Variants in AGAP3 observed in about 807,000 individuals in gnomAD.
AGAP3 encodes ArfGAP with GTPase domain, ankyrin repeat and PH domain 3.
In AGAP3, 24 loss-of-function variants were observed where a neutral mutation model predicts 96.9. The ratio of observed to expected loss-of-function variants is 0.25; its 90% CI spans 0.18 to 0.35. AGAP3 has a LOEUF of 0.35. AGAP3 is among the 10% of genes least tolerant of loss of function. AGAP3 has a pLI of 1.00. For synonymous variants in AGAP3, 563 were observed against 536.1 expected, an observed-to-expected ratio of 1.05 and a Z score of -0.69; for missense variants, 876 against 1,254.2, an observed-to-expected ratio of 0.70 and a Z score of 4.55.
chr7:151,143,802 C>T lies in AGAP3; in HGVS notation c.2595C>T (p.Ala865=), dbSNP rs113220396. The T allele has an allele frequency of 1.7e-5, 27 of 1,614,106 alleles. No individual in the cohort carries two copies. The highest frequency in any genetic ancestry group is 1.2e-4 in the African/African-American group (9 of 75,074). The change falls in exon 18 of 18, where the codon GCC becomes GCT. Residue 865 remains alanine (A), a synonymous_variant. Transcript: ENST00000397238. The surrounding 1 kb of genome is among the most constrained non-coding windows in gnomAD (Gnocchi z 5.9). ...GLTPLAYARR[A]GSQECADILI... is the part of the protein sequence containing the mutation. Reference sequence around the variant, plus strand: ...CTCCACTGGCATATGCTCGCCGGGCCGGCAGCCAGGAGTGTGCAGACATCT... The same window carrying T: ...CTCCACTGGCATATGCTCGCCGGGCTGGCAGCCAGGAGTGTGCAGACATCT...
intron 9 of AGAP3, among the ~76,000 whole-genome samples, chr7:151,125,856 C>A (rs1289810889): frequency 6.6e-6 from 1 of 152,350 alleles, no homozygotes; most frequent in South Asian, 2.1e-4. Flanking sequence ...GAGGCGGCGG[C>A]GGGAACGGGT....
chr7:151,108,630 C>T lies in AGAP3; in HGVS notation c.332-8163C>T, dbSNP rs1166203649. 6.6e-6 allele frequency among the ~76,000 whole-genome samples: 1 copy of T among 152,184 alleles called. No individual in the cohort carries two copies. The highest frequency in any genetic ancestry group is 1.5e-5 in the Non-Finnish European group (1 of 68,024). ...TCCTACGCCAGTCCAGACTGCCAGCCGCGTCACCTTGAGGCAGGGTGGGGC... is the reference window on the plus strand; with the variant it reads ...TCCTACGCCAGTCCAGACTGCCAGCTGCGTCACCTTGAGGCAGGGTGGGGC... On this transcript the variant is annotated intron_variant, in intron 1 of 17. Coordinates refer to ENST00000397238, the MANE Select transcript of AGAP3 (RefSeq NM_031946.7). This position sits in a 1 kb window ranked among gnomAD's most constrained non-coding sequence, Gnocchi z 4.2.
chr7:151,120,192 GC>G, intron 8 of AGAP3, 47 bp downstream of exon 8: 1 of 1,541,150 alleles, frequency 6.5e-7, no homozygotes, highest in Non-Finnish European at 8.8e-7. Flanking sequence ...TGCTGCACAG[GC>G]AGGGCTGAGC....
At chr7:151,123,467 G>C in intron 8 of AGAP3, 1 of 1,171,500 alleles carries the variant, frequency 8.5e-7, no homozygotes, top group Non-Finnish European at 1.1e-6. Flanking sequence ...CTCCCGACCA[G>C]CAGCCCCACC....
intron 2 of AGAP3, 24 bp downstream of exon 2, chr7:151,116,875 C>G: frequency 6.2e-7 from 1 of 1,609,538 alleles, no homozygotes; most frequent in South Asian, 1.1e-5. Context: ...ATGGGCAGCA[C>G]CGGCGGCCTG....
chr7:151,088,743 G>A (rs1431290583), intron 1 of AGAP3, among the ~76,000 whole-genome samples: 4 of 152,164 alleles, frequency 2.6e-5, no homozygotes, highest in Non-Finnish European at 4.4e-5. Flanking sequence ...CTCCTCCCCA[G>A]CTCAGGGGAG....
At position 151,118,417 on chromosome 7, in the gene AGAP3, G is replaced by A. The variant is rs1799701423; in HGVS notation, c.841+73G>A. The A allele has an allele frequency of 2.5e-6, 4 of 1,598,728 alleles. No individual in the cohort carries two copies. Among genetic ancestry groups the A allele is most frequent in the Non-Finnish European group, 3.4e-6 (4 of 1,168,574 alleles). On this transcript the variant is annotated intron_variant, in intron 6 of 17. Transcript: ENST00000397238. The surrounding 1 kb of genome is among the most constrained non-coding windows in gnomAD (Gnocchi z 6.1). The stretch of plus-strand genomic sequence containing the variant: ...CTGGCGATAGGAAGGCTCCCAGTGA[G>A]AGCAAGGCTGTGTGTCTGGGGGGAG...
chr7:151,090,702 G>A (rs905392736), intron 1 of AGAP3, among the ~76,000 whole-genome samples: 1 of 152,214 alleles, frequency 6.6e-6, no homozygotes, highest in African/African-American at 2.4e-5. Context: ...CCAACATTTT[G>A]GGAGACCAAG....
In AGAP3 at chr7:151,114,219, G is replaced by C. The variant is rs1799425747; in HGVS notation, c.332-2574G>C. Among the ~76,000 whole-genome samples the C allele has an allele frequency of 6.6e-6, 1 of 152,240 alleles. No homozygotes were observed. The highest frequency in any genetic ancestry group is 2.4e-5 in the African/African-American group (1 of 41,460). On this transcript the variant is annotated intron_variant, in intron 1 of 17. Transcript: ENST00000397238. This position sits in a 1 kb window ranked among gnomAD's most constrained non-coding sequence, Gnocchi z 4.4. ...GAAACTAAGACAGGACCACCTCGTT[G>C]AAGCTCGCGTGCTGCAGACGAGGAC...
At chr7:151,093,806 C>T (rs957654808) in intron 1 of AGAP3, among the ~76,000 whole-genome samples, 2 of 152,218 alleles carry the variant, frequency 1.3e-5, no homozygotes, top group African/African-American at 2.4e-5. Flanking sequence ...CTGCCACTAA[C>T]TGGCTGTGAG....
chr7:151,086,062 T>C (rs1055508358), upstream of AGAP3: 1 of 152,408 alleles, frequency 6.6e-6, no homozygotes, highest in Non-Finnish European at 1.5e-5. Flanking sequence ...TCAGCCTCGG[T>C]CAGCAGCACC....
chr7:151,143,525 G>A lies in AGAP3; in HGVS notation c.2458G>A (p.Gly820Arg), dbSNP rs1185964420. 3.1e-6 allele frequency: 5 copies of A among 1,614,032 alleles called. No individual in the cohort carries two copies. The highest frequency in any genetic ancestry group is 1.3e-5 in the African/African-American group (1 of 74,926). The change falls in exon 17 of 18, where the codon GGG (glycine) becomes AGG (arginine). Residue 820 changes from glycine to arginine, a missense_variant. This residue lies in a region of AGAP3 where 213 missense variants were observed against 253.8 expected (regional missense o/e 0.84). Transcript: ENST00000397238. The surrounding 1 kb of genome is among the most constrained non-coding windows in gnomAD (Gnocchi z 5.9). ...KEEVNETYGDGDGRTALHLSS... is the reference protein window; with the variant it reads ...KEEVNETYGDRDGRTALHLSS... ...GGAGGTGAATGAGACCTATGGGGACGGGGACGGGCGGACGGCTCTACATCT... is the reference window on the plus strand; with the variant it reads ...GGAGGTGAATGAGACCTATGGGGACAGGGACGGGCGGACGGCTCTACATCT...
intron 8 of AGAP3, 91 bp from the exon 9 acceptor site, chr7:151,123,703 G>A (rs1305636893): frequency 7.6e-6 from 12 of 1,586,870 alleles, no homozygotes; most frequent in Non-Finnish European, 9.5e-6. Flanking sequence ...TGCCCAGGAG[G>A]AGGGAGGCAG....
At chr7:151,123,532 C>T (rs1193023634) in intron 8 of AGAP3, 3 of 1,290,628 alleles carry the variant, frequency 2.3e-6, no homozygotes, top group South Asian at 2.0e-5. Context: ...GTGCTCCTCG[C>T]GCCCTCGGCC....
rs532420392 is a variant in AGAP3, at chr7:151,139,956, T to C, written c.1667-23T>C. 54 of 1,515,178 alleles carry C rather than the reference T, an allele frequency of 3.6e-5. No individual in the cohort carries two copies. The highest frequency in any genetic ancestry group is 1.7e-4 in the Middle Eastern group (1 of 5,744). 93.9% of individuals were successfully genotyped at this position (1,515,178 alleles called of 1,614,324 possible). On this transcript the variant is annotated intron_variant, in intron 12 of 17. Transcript: ENST00000397238. This position sits in a 1 kb window ranked among gnomAD's most constrained non-coding sequence, Gnocchi z 4.9. ...TCCTCTGCCTCCCTTCTTCCCACAC[T>C]TCTCCAACTCTCCCCTCACCAGCCA... is the stretch of plus-strand genomic sequence containing the variant.
intron 1 of AGAP3, among the ~76,000 whole-genome samples, chr7:151,088,393 G>A (rs73474684): frequency 0.033 from 4,963 of 152,282 alleles, 251 homozygotes; most frequent in African/African-American, 0.11. Flanking sequence ...TCATTAACGT[G>A]GATCTGAGTA....
intron 12 of AGAP3, 87 bp downstream of exon 12, chr7:151,138,400 G>T (rs2097228569): frequency 4.2e-6 from 6 of 1,422,280 alleles, no homozygotes; most frequent in Non-Finnish European, 5.6e-6. Flanking sequence ...TGGCTTGGGA[G>T]GCTGCAGTGG....
chr7:151,093,729 C>T (rs953983077), intron 1 of AGAP3, among the ~76,000 whole-genome samples: 1 of 152,182 alleles, frequency 6.6e-6, no homozygotes, highest in African/African-American at 2.4e-5. Flanking sequence ...AGGAGGCTCC[C>T]GTGTTCATTT....
At position 151,114,920 on chromosome 7, in the gene AGAP3, C is replaced by T. The variant is rs1054372185; in HGVS notation, c.332-1873C>T. 3 of 989,044 alleles carry T rather than the reference C, an allele frequency of 3.0e-6. No homozygotes were observed. In the African/African-American group the frequency reaches 5.3e-5, roughly 17 times the overall value. 61.3% of individuals were successfully genotyped at this position (989,044 alleles called of 1,614,324 possible). On this transcript the variant is annotated intron_variant, in intron 1 of 17. Transcript: ENST00000397238. The surrounding 1 kb of genome is among the most constrained non-coding windows in gnomAD (Gnocchi z 4.4). ...CCCTGCAGGCCGCCCTCTGCGCCGC[C>T]AGTGAGCAGCCGGCGCGGCCGCGGA...
Sources: allele counts gnomAD v4.1 joint callset (sites outside exome capture counted in the v4.1 genomes callset), GRCh38; gene constraint gnomAD v4.1.1; regional missense constraint gnomAD v4.1.1; non-coding constraint Gnocchi (gnomAD v3.1); transcripts MANE v1.5; gene names NCBI Gene and HGNC (gene_info 2026-07-23, HGNC 2026-07-21).